Variants in PPP1R1C observed in about 807,000 individuals in gnomAD.
PPP1R1C encodes protein phosphatase 1 regulatory subunit 1C.
Under a neutral mutation model 17.4 loss-of-function variants are expected in PPP1R1C, and 15 were observed. The observed-to-expected ratio is 0.86, with a 90% CI of 0.58 to 1.33. PPP1R1C has a LOEUF of 1.33. PPP1R1C is among the 40% of genes most tolerant of loss of function. PPP1R1C has a pLI of 0.00. For synonymous variants in PPP1R1C, 35 were observed against 43.1 expected (o/e 0.81, Z 0.73); for missense variants, 143 against 130.0 (o/e 1.10, Z -0.48).
intron 2 of PPP1R1C, among the ~76,000 whole-genome samples, chr2:181,978,819 G>A (rs916756714): frequency 3.9e-5 from 6 of 152,088 alleles, no homozygotes; most frequent in Non-Finnish European, 8.8e-5. Context: ...GGCCATTTCA[G>A]AAAAATATGG....
chr2:181,982,285 G>A (rs148855328), upstream of PPP1R1C, among the ~76,000 whole-genome samples: 803 of 152,266 alleles, frequency 5.3e-3, 11 homozygotes, highest in African/African-American at 0.018. Context: ...GGTATTTGGA[G>A]GCAGTTACTA....
chr2:182,083,190 TG>T (rs1688531819), intron 4 of PPP1R1C, among the ~76,000 whole-genome samples: 1 of 152,216 alleles, frequency 6.6e-6, no homozygotes, highest in South Asian at 2.1e-4. Context: ...TACAAGTTTT[TG>T]GTTTCAGTCT....
chr2:182,026,349 C>T (rs904820049), intron 2 of PPP1R1C, among the ~76,000 whole-genome samples: 2 of 142,002 alleles, frequency 1.4e-5, no homozygotes, highest in East Asian at 2.0e-4. Context: ...TTAGGTCTAA[C>T]GTTTAAGTCT....
chr2:181,966,523 A>G (rs1384596194), intron 1 of PPP1R1C, among the ~76,000 whole-genome samples: 2 of 152,002 alleles, frequency 1.3e-5, no homozygotes, highest in Non-Finnish European at 2.9e-5. Flanking sequence ...ATAAAAGGAT[A>G]TTGAATTTTA....
intron 2 of PPP1R1C, among the ~76,000 whole-genome samples, chr2:182,017,827 T>A (rs1686305338): frequency 6.6e-6 from 1 of 152,256 alleles, no homozygotes; most frequent in Non-Finnish European, 1.5e-5. Context: ...CTATTGTTAG[T>A]CTCAAAAGAG....
intron 2 of PPP1R1C, among the ~76,000 whole-genome samples, chr2:181,977,990 A>T (rs1177950220): frequency 2.0e-5 from 3 of 152,194 alleles, no homozygotes; most frequent in Non-Finnish European, 4.4e-5. Context: ...TGGGTGGTTT[A>T]TAAAGCAGAG....
At chr2:182,013,631 T>C (rs1352414440) in intron 2 of PPP1R1C, among the ~76,000 whole-genome samples, 1 of 152,320 alleles carries the variant, frequency 6.6e-6, no homozygotes, top group East Asian at 1.9e-4. Context: ...TACCTATCTC[T>C]TTCATCACCT....
intron 4 of PPP1R1C, among the ~76,000 whole-genome samples, chr2:182,079,167 T>A (rs1688400600): frequency 6.6e-6 from 1 of 152,164 alleles, no homozygotes. Flanking sequence ...TGAAGAGGAT[T>A]TAGATAATGA....
chr2:182,119,148 T>A (rs1233918222), downstream of PPP1R1C, among the ~76,000 whole-genome samples: 2 of 149,108 alleles, frequency 1.3e-5, no homozygotes, highest in Non-Finnish European at 2.9e-5. Flanking sequence ...AGTGGGAACA[T>A]GTGGTGTTTG....
intron 2 of PPP1R1C, among the ~76,000 whole-genome samples, chr2:182,035,466 A>T (rs1257730582): frequency 6.6e-6 from 1 of 152,070 alleles, no homozygotes; most frequent in Non-Finnish European, 1.5e-5. Context: ...TTGGCATTTG[A>T]TATAGTTTGT....
rs1685281964 is a variant in PPP1R1C, at chr2:181,985,871, G to T, written c.-240G>T. ...TTAGCGTATTGTTCCTTTCTGTATT[G>T]TGCTGAGAGGATCCAAGGGATTGGT... On this transcript the variant is annotated 5_prime_UTR_variant, in exon 1 of 5. Coordinates refer to ENST00000682840, the MANE Select transcript of PPP1R1C (RefSeq NM_001080545.3). This position sits in a 1 kb window ranked among gnomAD's most constrained non-coding sequence, Gnocchi z 4.1. 3.4e-6 allele frequency: 2 copies of T among 582,680 alleles called. No individual in the cohort carries two copies. Among genetic ancestry groups the T allele is most frequent in the Non-Finnish European group, 6.1e-6 (2 of 326,044 alleles). The allele number at this position is 582,680 out of a possible 1,614,324, so 36.1% of individuals were successfully genotyped here.
intron 2 of PPP1R1C, among the ~76,000 whole-genome samples, chr2:182,011,566 T>C (rs933470368): frequency 6.6e-6 from 1 of 152,070 alleles, no homozygotes; most frequent in African/African-American, 2.4e-5. Context: ...AACCCAACTT[T>C]TCATTTCATT....
chr2:181,965,083 A>T (rs553087257), intron 1 of PPP1R1C, among the ~76,000 whole-genome samples: 2 of 151,648 alleles, frequency 1.3e-5, no homozygotes, highest in South Asian at 4.1e-4. Context: ...CCTGTTTGCC[A>T]TTTATATATC....
chr2:181,961,299 G>A lies in PPP1R1C; in HGVS notation n.111+6665G>A, dbSNP rs150243507. ...TTTGCATGGAGTTGCTGTTGTCCAG[G>A]GCATCACCAAGATTGAAGTCATCAT... On this transcript the variant is annotated intron_variant and non_coding_transcript_variant, in intron 1 of 5. Transcript: ENST00000464264. This position sits in a 1 kb window ranked among gnomAD's most constrained non-coding sequence, Gnocchi z 5.8. 1,433 of 736,720 alleles carry A rather than the reference G, an allele frequency of 1.9e-3. 12 individuals are homozygous for A. The African/African-American group carries it at 0.022, about 11-fold the overall frequency. The allele number at this position is 736,720 out of a possible 1,614,324, so 45.6% of individuals were successfully genotyped here.
intron 4 of PPP1R1C, among the ~76,000 whole-genome samples, chr2:182,065,502 T>C (rs1461315451): frequency 1.3e-5 from 2 of 152,106 alleles, no homozygotes; most frequent in Non-Finnish European, 2.9e-5. Flanking sequence ...AATGATACAA[T>C]TGCTCTGAAA....
chr2:182,100,144 GA>G (rs1251323926), intron 4 of PPP1R1C, among the ~76,000 whole-genome samples: 1 of 152,112 alleles, frequency 6.6e-6, no homozygotes, highest in Non-Finnish European at 1.5e-5. Context: ...TGATACAGAA[GA>G]AAAAAGTACT....
At chr2:182,095,657 T>C (rs761563315) in intron 4 of PPP1R1C, among the ~76,000 whole-genome samples, 4 of 152,200 alleles carry the variant, frequency 2.6e-5, no homozygotes, top group Non-Finnish European at 5.9e-5. Flanking sequence ...CCAATGGGGC[T>C]GCAGAGGAGA....
At chr2:182,014,457 G>C (rs561542770) in intron 2 of PPP1R1C, among the ~76,000 whole-genome samples, 1 of 151,022 alleles carries the variant, frequency 6.6e-6, no homozygotes, top group Admixed American at 6.6e-5. Flanking sequence ...TGCAGGCGTC[G>C]TGTGGCCACC....
intron 2 of PPP1R1C, among the ~76,000 whole-genome samples, chr2:181,994,668 G>A (rs1316195469): frequency 1.3e-5 from 2 of 152,082 alleles, no homozygotes; most frequent in East Asian, 3.8e-4. Flanking sequence ...GCTGTTTATT[G>A]GTTTATACAT....
Sources: gnomAD v4.1 joint callset for allele counts (sites outside exome capture counted in the v4.1 genomes callset) on GRCh38, gnomAD v4.1.1 for gene constraint, Gnocchi (gnomAD v3.1) non-coding constraint, MANE v1.5 for transcripts, NCBI Gene and HGNC (gene_info 2026-07-23, HGNC 2026-07-21) for gene names.